DNAH5: variants seen among roughly 807,000 people sequenced by gnomAD.
The protein encoded by DNAH5 is axonemal beta dynein heavy chain 5.
A neutral mutation model predicts 518.2 loss-of-function variants in DNAH5; 372 were observed. The observed-to-expected ratio is 0.72, with a 90% CI of 0.66 to 0.78. The LOEUF (loss-of-function observed/expected upper bound fraction) is 0.78, where lower values mean the gene tolerates loss of function less well. Ranked by LOEUF, DNAH5 falls within the 30% of genes least tolerant of loss-of-function variation. The pLI, the probability that DNAH5 is intolerant of heterozygous loss-of-function variation, is 0.00. For missense variants in DNAH5, 5,523 were observed against 5,687.0 expected (o/e 0.97, Z 0.93); for synonymous variants, 2,039 against 2,025.9 (o/e 1.01, Z -0.17).
At position 13,829,605 on chromosome 5, in the gene DNAH5, C is replaced by G; in HGVS notation, c.6349G>C (p.Val2117Leu). The change falls in exon 38 of 79, where the codon GTG (valine) becomes CTG (leucine). Residue 2117 changes from valine (V) to leucine (L), a missense_variant. Val to Leu is a conservative substitution (Grantham distance 32). Around this residue, in one of 3 missense-constraint regions of DNAH5, gnomAD observed 5,121 missense variants for 5,223.3 expected, o/e 0.98. Transcript: ENST00000265104. Reference protein sequence around the residue: ...MVPDRQIIIRVKLASCGFIDN... With the variant: ...MVPDRQIIIRLKLASCGFIDN... ...ATGAAGCCACAACTAGCCAACTTCA[C>G]CCTTATGATAATCTGACGGTCAGGC... 2 of 1,614,198 alleles carry G rather than the reference C, an allele frequency of 1.2e-6. No individual in the cohort carries two copies. The highest frequency in any genetic ancestry group is 1.7e-6 in the Non-Finnish European group (2 of 1,180,028).
chr5:13,865,929 C>T lies in DNAH5; in HGVS notation c.4117-23G>A, dbSNP rs113641948. 1,073 of 1,446,264 alleles carry T rather than the reference C, an allele frequency of 7.4e-4. 9 individuals carry two copies. The African/African-American group carries it at 0.013, about 17-fold the overall frequency. 89.6% of individuals were successfully genotyped at this position (1,446,264 alleles called of 1,614,324 possible). Reference sequence around the variant, plus strand: ...ATTCTAATAAAAACACAAGTGAAAACGCATCAAAATGATTTATACATGATC... The same window carrying T: ...ATTCTAATAAAAACACAAGTGAAAATGCATCAAAATGATTTATACATGATC... On this transcript the variant is annotated intron_variant, in intron 26 of 78. Transcript: ENST00000265104.
At chr5:13,815,274 T>G (rs1761303665) in intron 42 of DNAH5, among the ~76,000 whole-genome samples, 1 of 152,160 alleles carries the variant, frequency 6.6e-6, no homozygotes, top group African/African-American at 2.4e-5. Flanking sequence ...GTCGATAAGA[T>G]ATTCCAGGAA....
chr5:13,824,405 G>T, intron 38 of DNAH5, 72 bp from the exon 39 acceptor site: 1 of 1,420,004 alleles, frequency 7.0e-7, no homozygotes, highest in Non-Finnish European at 9.9e-7. Context: ...GAATCTGACA[G>T]AAATTATATT....
chr5:13,753,986 G>A (rs1486595534), intron 62 of DNAH5, among the ~76,000 whole-genome samples: 1 of 151,914 alleles, frequency 6.6e-6, no homozygotes, highest in African/African-American at 2.4e-5. Flanking sequence ...CTCTTTCTCT[G>A]AAATGGCTGG....
intron 38 of DNAH5, among the ~76,000 whole-genome samples, chr5:13,829,226 A>G (rs1290300510): frequency 6.6e-6 from 1 of 152,238 alleles, no homozygotes; most frequent in African/African-American, 2.4e-5. Context: ...CAATGAATCT[A>G]TAAGTGGTAT....
rs375100071 is a variant in DNAH5, at chr5:13,871,686, A to T, written c.3476T>A (p.Phe1159Tyr). 3 of 1,613,710 alleles carry T rather than the reference A, an allele frequency of 1.9e-6. No homozygotes were observed. In the African/African-American group the frequency reaches 4.0e-5, roughly 22 times the overall value. Residue 1159 changes from phenylalanine to tyrosine, a missense_variant, in exon 23 of 79, where the codon TTT becomes TAT. Phe to Tyr is a conservative substitution (Grantham distance 22). This residue lies in a region of DNAH5 where 5,121 missense variants were observed against 5,223.3 expected (regional missense o/e 0.98). Coordinates refer to ENST00000265104, the MANE Select transcript of DNAH5 (RefSeq NM_001369.3). ...QKGKEEAIKT[F>Y]ITQSPLLSEF... is the part of the protein sequence containing the mutation. Reference sequence around the variant, plus strand: ...AGAAAGCAAGGGGCTCTGTGTAATAAATGTCTTAATGGCTTCTTCTTTTCC... The same window carrying T: ...AGAAAGCAAGGGGCTCTGTGTAATATATGTCTTAATGGCTTCTTCTTTTCC...
intron 1 of DNAH5, 130 bp downstream of exon 1, chr5:13,944,252 T>TA: frequency 1.1e-6 from 1 of 918,612 alleles, no homozygotes; most frequent in Non-Finnish European, 1.8e-6. Flanking sequence ...GAACATTAGT[T>TA]AAAAAATGTG....
chr5:13,718,580 G>A (rs1408250335), intron 72 of DNAH5, among the ~76,000 whole-genome samples: 1 of 152,176 alleles, frequency 6.6e-6, no homozygotes, highest in Non-Finnish European at 1.5e-5. Flanking sequence ...TAAGTATGGA[G>A]CATAAAGACC....
chr5:13,726,627 G>A (rs1745777480), intron 70 of DNAH5, among the ~76,000 whole-genome samples: 1 of 152,164 alleles, frequency 6.6e-6, no homozygotes, highest in Non-Finnish European at 1.5e-5. Flanking sequence ...TGAAAGGAAA[G>A]GTGATCTCAG....
intron 29 of DNAH5, among the ~76,000 whole-genome samples, chr5:13,861,406 C>A (rs1445812): frequency 0.011 from 1,709 of 152,184 alleles, 25 homozygotes; most frequent in African/African-American, 0.034. Flanking sequence ...GTATTTCCAA[C>A]ATTAAAAGTA....
At chr5:13,878,503 G>C (rs1771204752) in intron 21 of DNAH5, among the ~76,000 whole-genome samples, 1 of 152,130 alleles carries the variant, frequency 6.6e-6, no homozygotes. Flanking sequence ...ACAAACAGGA[G>C]CCCTCCAGCA....
At chr5:13,814,541 A>T in intron 43 of DNAH5, 64 bp downstream of exon 43, 1 of 1,565,102 alleles carries the variant, frequency 6.4e-7, no homozygotes, top group South Asian at 1.1e-5. Context: ...TGGCACACAC[A>T]CTAAAAGAAT....
At chr5:13,758,106 T>TAA (rs796548319) in intron 61 of DNAH5, among the ~76,000 whole-genome samples, 1 of 142,552 alleles carries the variant, frequency 7.0e-6, no homozygotes, top group Non-Finnish European at 1.5e-5. Flanking sequence ...GTATTTAAAG[T>TAA]AAAAAAAAAA....
chr5:13,708,025 C>G, intron 76 of DNAH5, 98 bp downstream of exon 76: 2 of 1,374,958 alleles, frequency 1.5e-6, no homozygotes, highest in Non-Finnish European at 2.1e-6. Flanking sequence ...GCAAAAGAAT[C>G]ATGTTGAGTA....
Position 13,894,704 on chromosome 5 carries a change from T to A in DNAH5, c.2377A>T (p.Thr793Ser). The A allele has an allele frequency of 6.2e-7, 1 of 1,614,114 alleles. No homozygotes were observed. Among genetic ancestry groups the A allele is most frequent in the Non-Finnish European group, 8.5e-7 (1 of 1,179,960 alleles). The change falls in exon 16 of 79, where the codon ACC (threonine) becomes TCC (serine). Residue 793 changes from threonine (T) to serine (S), a missense_variant. Physicochemically the swap from Thr to Ser is moderately conservative, Grantham distance 58 (BLOSUM62 1). Transcript: ENST00000265104. ...EALQPGLAALTWTSLNIEAYL... is the reference protein window; with the variant it reads ...EALQPGLAALSWTSLNIEAYL... Reference sequence around the variant, plus strand: ...GCCTCAATATTCAGTGATGTCCAGGTCAGTGCAGCCAAGCCAGGTTGGAGA... The same window carrying A: ...GCCTCAATATTCAGTGATGTCCAGGACAGTGCAGCCAAGCCAGGTTGGAGA...
Position 13,810,165 on chromosome 5 carries a change from C to G in DNAH5, c.7503G>C (p.Arg2501=). ...AGCGCAGCCAGAGCTCCAGGCGGCG[C>G]CGTCCGTCCAGCTCCAGCGCCGCCC... ...SAGAALELDG[R]RRLELWLRSR... The change falls in exon 45 of 79, where the codon CGG becomes CGC. Residue 2501 remains arginine (R), a synonymous_variant. Transcript: ENST00000265104. 6.5e-7 allele frequency: 1 copy of G among 1,548,400 alleles called. No individual in the cohort carries two copies. The highest frequency in any genetic ancestry group is 8.7e-7 in the Non-Finnish European group (1 of 1,145,584).
intron 47 of DNAH5, among the ~76,000 whole-genome samples, chr5:13,804,803 T>A (rs1303588144): frequency 6.6e-6 from 1 of 152,246 alleles, no homozygotes; most frequent in Admixed American, 6.5e-5. Flanking sequence ...ATGGTACCAC[T>A]TCTAGAAATT....
chr5:13,904,092 T>A (rs919083435), intron 12 of DNAH5, among the ~76,000 whole-genome samples: 2 of 151,416 alleles, frequency 1.3e-5, no homozygotes, highest in Admixed American at 1.3e-4. Context: ...CAGGTATATA[T>A]GCTAAAACCA....
chr5:13,798,508 A>AAT (rs1312034724), intron 47 of DNAH5, among the ~76,000 whole-genome samples: 1 of 152,152 alleles, frequency 6.6e-6, no homozygotes, highest in Non-Finnish European at 1.5e-5. Flanking sequence ...ATGTTGTATA[A>AAT]ATACAGAAGA....
Sources: gnomAD v4.1 joint callset for allele counts (sites outside exome capture counted in the v4.1 genomes callset) on GRCh38, gnomAD v4.1.1 for gene constraint, gnomAD v4.1.1 regional missense constraint, MANE v1.5 for transcripts, NCBI Gene and HGNC (gene_info 2026-07-23, HGNC 2026-07-21) for gene names.